The following USP40 variants were observed in gnomAD, a reference collection of about 807,000 sequenced individuals.
The protein encoded by USP40 is ubiquitin specific peptidase 40.
USP40 carries 143 observed loss-of-function variants against 166.2 expected under a neutral mutation model. The ratio of observed to expected loss-of-function variants is 0.86; its 90% CI spans 0.75 to 0.99. The LOEUF is 0.99. USP40 is among the 50% of genes least tolerant of loss of function. The pLI, the probability that USP40 is intolerant of heterozygous loss-of-function variation, is 0.00. For synonymous variants in USP40, 498 were observed against 524.0 expected, an observed-to-expected ratio of 0.95 and a Z score of 0.68; for missense variants, 1,444 against 1,479.7, an observed-to-expected ratio of 0.98 and a Z score of 0.40.
intron 4 of USP40, among the ~76,000 whole-genome samples, chr2:233,559,324 A>T (rs2071372152): frequency 6.6e-6 from 1 of 152,248 alleles, no homozygotes; most frequent in Non-Finnish European, 1.5e-5. Context: ...GAACCATTTC[A>T]CTTTTTTGAC....
rs191046408 is a variant in USP40 at position 233,477,303 on chromosome 2, G to T, written c.*89C>A. ...AAGCAGAGGATTTGGGATTGGAGGC[G>T]CCAGGCAGCCAGTCCCCATGCCCAG... On this transcript the variant is annotated 3_prime_UTR_variant, in exon 32 of 32. Coordinates refer to ENST00000678225, the MANE Select transcript of USP40 (RefSeq NM_001365479.2). 8.2e-7 allele frequency: 1 copy of T among 1,220,372 alleles called. No individual in the cohort carries two copies. Among genetic ancestry groups the T allele is most frequent in the Non-Finnish European group, 1.2e-6 (1 of 854,436 alleles). 75.6% of individuals were successfully genotyped at this position (1,220,372 alleles called of 1,614,324 possible). A position where few individuals can be genotyped will look rare whatever the true frequency, so the allele number is the denominator to read the frequency against.
intron 2 of USP40, among the ~76,000 whole-genome samples, chr2:233,563,704 A>T (rs1207627676): frequency 1.3e-5 from 2 of 152,284 alleles, no homozygotes; most frequent in East Asian, 3.9e-4. Flanking sequence ...TTCCCCCGCC[A>T]GTTCTCTGAC....
intron 10 of USP40, among the ~76,000 whole-genome samples, chr2:233,534,224 A>C (rs1235901757): frequency 6.6e-6 from 1 of 152,226 alleles, no homozygotes; most frequent in Non-Finnish European, 1.5e-5. Flanking sequence ...AACCTAAATT[A>C]TCTTTTAACC....
chr2:233,533,823 CA>C (rs2068736019), intron 10 of USP40, 44 bp from the exon 11 acceptor site: 4 of 1,463,512 alleles, frequency 2.7e-6, no homozygotes, highest in Non-Finnish European at 3.6e-6. Context: ...ATTATTTAAA[CA>C]AAAATTAGAT....
chr2:233,535,330 G>T (rs1448350696), intron 10 of USP40, among the ~76,000 whole-genome samples: 1 of 152,202 alleles, frequency 6.6e-6, no homozygotes, highest in African/African-American at 2.4e-5. Context: ...ATTAGAAAGA[G>T]ATAGCAAACT....
At position 233,488,314 on chromosome 2, in the gene USP40, A is replaced by C. The variant is rs2065080323; in HGVS notation, c.3132-10T>G. ...TCCTAGTTTATATTCCCTGATAATA[A>C]GTGAAACAAGATAATATTGAGTGAC... On this transcript the variant is annotated splice_polypyrimidine_tract_variant and intron_variant, in intron 27 of 31. Coordinates refer to ENST00000678225, the MANE Select transcript of USP40 (RefSeq NM_001365479.2). 6.3e-7 allele frequency: 1 copy of C among 1,585,634 alleles called. No individual in the cohort carries two copies. The highest frequency in any genetic ancestry group is 1.2e-5 in the South Asian group (1 of 86,468).
intron 18 of USP40, among the ~76,000 whole-genome samples, chr2:233,515,972 G>T (rs1211512399): frequency 6.6e-6 from 1 of 152,186 alleles, no homozygotes; most frequent in Non-Finnish European, 1.5e-5. Flanking sequence ...TGGCACCTTT[G>T]TTGAAAGTCA....
At chr2:233,549,358 GA>G (rs2070321934) in intron 7 of USP40, 129 bp from the exon 8 acceptor site, 1 of 640,962 alleles carries the variant, frequency 1.6e-6, no homozygotes, top group Non-Finnish European at 2.4e-6. Flanking sequence ...GAGTAAAGAT[GA>G]ATTCAAGTAA....
intron 8 of USP40, among the ~76,000 whole-genome samples, chr2:233,548,880 G>A (rs2070255258): frequency 6.6e-6 from 1 of 152,044 alleles, no homozygotes; most frequent in Admixed American, 6.6e-5. Context: ...TCTAGGTAAA[G>A]GGTATACAGG....
At chr2:233,543,841 A>G (rs1258025883) in intron 8 of USP40, among the ~76,000 whole-genome samples, 1 of 152,244 alleles carries the variant, frequency 6.6e-6, no homozygotes, top group Non-Finnish European at 1.5e-5. Context: ...TCTTGCTGAC[A>G]CTGAACTTCC....
In USP40 at chr2:233,533,717, C is replaced by G. The variant is rs1222675430; in HGVS notation, c.1233G>C (p.Leu411Phe). ...ACTCAGCCTGGAGAGAACTATTCTT[C>G]AAGAGACGAACTGTACTTTCATCTG... is the stretch of plus-strand genomic sequence containing the variant. ...LSSDESTVRL[L>F]KNSSLQAESD... Residue 411 changes from leucine (L) to phenylalanine (F), a missense_variant, in exon 11 of 32, where the codon TTG (leucine) becomes TTC (phenylalanine). Coordinates refer to ENST00000678225, the MANE Select transcript of USP40 (RefSeq NM_001365479.2). 1.9e-6 allele frequency: 3 copies of G among 1,612,814 alleles called. No individual in the cohort carries two copies. In the Admixed American group the frequency reaches 5.0e-5, roughly 27 times the overall value.
intron 18 of USP40, 29 bp from the exon 19 acceptor site, chr2:233,512,651 T>C: frequency 7.5e-7 from 1 of 1,325,606 alleles, no homozygotes; most frequent in East Asian, 2.6e-5. Flanking sequence ...TTATTTTTCT[T>C]AGAGAGCTAG....
At chr2:233,501,364 A>G (rs544743876) in intron 21 of USP40, among the ~76,000 whole-genome samples, 8 of 152,352 alleles carry the variant, frequency 5.3e-5, no homozygotes, top group African/African-American at 1.9e-4. Flanking sequence ...CCTTGTGCAG[A>G]CATTCAAGAC....
At chr2:233,562,530 A>T (rs1176600210) in intron 3 of USP40, among the ~76,000 whole-genome samples, 1 of 140,400 alleles carries the variant, frequency 7.1e-6, no homozygotes, top group African/African-American at 2.6e-5. Context: ...ACACATGGAC[A>T]CAGGAAGGGG....
In USP40 at chr2:233,493,349, T is replaced by C; in HGVS notation, c.2917+76A>G. ...ACGTTTTAAAAATAAATATATCAAT[T>C]GACTCTCAGAGCACAGGCAGTCAAT... On this transcript the variant is annotated intron_variant, in intron 25 of 31. Coordinates refer to ENST00000678225, the MANE Select transcript of USP40 (RefSeq NM_001365479.2). The surrounding 1 kb of genome is among the most constrained non-coding windows in gnomAD (Gnocchi z 4.7). The C allele has an allele frequency of 6.3e-7, 1 of 1,592,448 alleles. No individual in the cohort carries two copies. Among genetic ancestry groups the C allele is most frequent in the Non-Finnish European group, 8.6e-7 (1 of 1,163,036 alleles).
intron 30 of USP40, among the ~76,000 whole-genome samples, chr2:233,483,627 C>T (rs1156925068): frequency 3.9e-5 from 6 of 152,188 alleles, no homozygotes; most frequent in Non-Finnish European, 7.3e-5. Flanking sequence ...GAGGTAAGTA[C>T]AGGTTTTATG....
intron 31 of USP40, among the ~76,000 whole-genome samples, chr2:233,479,628 CGTGTGTGTGTGTGT>C (rs72454809): frequency 2.1e-5 from 3 of 145,414 alleles, no homozygotes; most frequent in Admixed American, 1.4e-4. Flanking sequence ...TAGAATTTTA[CGTGTGTGTGTGTGT>C]GTGTGTGTGT....
chr2:233,510,106 G>A lies in USP40; in HGVS notation c.2556C>T (p.Asp852=), dbSNP rs374758816. The change falls in exon 21 of 32, where the codon GAC becomes GAT. Residue 852 remains aspartate (D), a synonymous_variant. Transcript: ENST00000678225. The part of the protein sequence containing the change: ...QLFLFFAMGS[D]VQPGTEMEIV... ...TTTCCATTTCTGTCCCAGGTTGAAC[G>A]TCACTCCCCATTGCAAAAAACAGGA... The A allele has an allele frequency of 8.1e-6, 13 of 1,604,404 alleles. No homozygotes were observed. The highest frequency in any genetic ancestry group is 4.5e-5 in the East Asian group (2 of 44,702).
chr2:233,527,581 T>C lies in USP40; in HGVS notation c.1554-3A>G, dbSNP rs1368894156. 1.3e-6 allele frequency: 2 copies of C among 1,595,620 alleles called. No individual in the cohort carries two copies. Among genetic ancestry groups the C allele is most frequent in the Admixed American group, 3.6e-5 (2 of 55,806 alleles). On this transcript the variant is annotated splice_region_variant and splice_polypyrimidine_tract_variant and intron_variant, in intron 12 of 31. Transcript: ENST00000678225. ...TGTTTGCAGAATCACATTCTGCCCT[T>C]TAAAGAGGCACAAAAATACATAAAT...
Sources: allele counts gnomAD v4.1 joint callset (sites outside exome capture counted in the v4.1 genomes callset), GRCh38; gene constraint gnomAD v4.1.1; non-coding constraint Gnocchi (gnomAD v3.1); transcripts MANE v1.5; gene names NCBI Gene and HGNC (gene_info 2026-07-23, HGNC 2026-07-21).